Variants in CLK3 observed in about 807,000 individuals in gnomAD.
CLK3 encodes the protein CDC like kinase 3.
A neutral mutation model predicts 65.2 loss-of-function variants in CLK3; 24 were observed. The ratio of observed to expected loss-of-function variants is 0.37; its 90% CI spans 0.27 to 0.52. The LOEUF is 0.52. Ranked by LOEUF, CLK3 falls within the 20% of genes least tolerant of loss-of-function variation. CLK3 has a pLI of 0.92. For missense variants in CLK3, 506 were observed against 660.0 expected (o/e 0.77, Z 2.56); for synonymous variants, 252 against 240.8 (o/e 1.05, Z -0.43).
chr15:74,629,302 C>G, intron 12 of CLK3: 1 of 574,064 alleles, frequency 1.7e-6, no homozygotes, highest in Admixed American at 2.7e-5. Context: ...CCTGCTGCTT[C>G]CTGTCCCTCT....
In CLK3 at chr15:74,619,323, C is replaced by T. The variant is rs769035124; in HGVS notation, c.127C>T (p.Pro43Ser). ...GCGATACCCGTCCCGAAGGGAGCCT[C>T]CCCCACGAAGATCTCGGTCCAGAAG... ...RLRYPSRREP[P>S]PRRSRSRSHD... Residue 43 changes from proline (P) to serine (S), a missense_variant, in exon 2 of 13, where the codon CCC (proline) becomes TCC (serine). By Grantham distance (74) the Pro-to-Ser change is moderately conservative (BLOSUM62 -1). This residue lies in a region of CLK3 where 181 missense variants were observed against 159.4 expected (regional missense o/e 1.14). Coordinates refer to ENST00000395066, the MANE Select transcript of CLK3 (RefSeq NM_001130028.2). The T allele has an allele frequency of 1.6e-5, 26 of 1,614,132 alleles. No individual in the cohort carries two copies. The highest frequency in any genetic ancestry group is 2.0e-5 in the Non-Finnish European group (24 of 1,179,990).
At chr15:74,611,937 G>A (rs574093939), upstream of CLK3, among the ~76,000 whole-genome samples, 7 of 152,336 alleles carry the variant, frequency 4.6e-5, no homozygotes, top group South Asian at 6.2e-4. Flanking sequence ...CCTCTGGCCC[G>A]AAAGTCTCCT....
chr15:74,625,410 C>T (rs1391025292), intron 6 of CLK3, among the ~76,000 whole-genome samples: 1 of 152,186 alleles, frequency 6.6e-6, no homozygotes. Flanking sequence ...CCAGCACAGA[C>T]CCTCACGAAG....
In CLK3 at chr15:74,627,747, G is replaced by A; in HGVS notation, c.1042+79G>A. 2 of 1,577,814 alleles carry A rather than the reference G, an allele frequency of 1.3e-6. No homozygotes were observed. Among genetic ancestry groups the A allele is most frequent in the South Asian group, 1.1e-5 (1 of 89,028 alleles). On this transcript the variant is annotated intron_variant, in intron 9 of 12. Transcript: ENST00000395066. This position sits in a 1 kb window ranked among gnomAD's most constrained non-coding sequence, Gnocchi z 4.3. ...TATGAGCAGAGGCAGTGGCATGCCT[G>A]TCATTCTCTGCCACCCAGGGCAGGC...
Position 74,627,013 on chromosome 15 carries a change from G to A in CLK3, c.818-339G>A. The A allele has an allele frequency of 2.1e-6, 1 of 486,260 alleles. No homozygotes were observed. Among genetic ancestry groups the A allele is most frequent in the Non-Finnish European group, 4.0e-6 (1 of 247,762 alleles). 30.1% of individuals were successfully genotyped at this position (486,260 alleles called of 1,614,324 possible). A position where few individuals can be genotyped will look rare whatever the true frequency, so the allele number is the denominator to read the frequency against. ...GGGCCCTGCAAATTATGTAGCTGGTGCAGGGAAGAGGGAACCACCTCGAGG... is the reference window on the plus strand; with the variant it reads ...GGGCCCTGCAAATTATGTAGCTGGTACAGGGAAGAGGGAACCACCTCGAGG... On this transcript the variant is annotated intron_variant, in intron 7 of 12. Coordinates refer to ENST00000395066, the MANE Select transcript of CLK3 (RefSeq NM_001130028.2). The surrounding 1 kb of genome is among the most constrained non-coding windows in gnomAD (Gnocchi z 4.3).
upstream of CLK3, chr15:74,615,600 G>C (rs996046683): frequency 3.1e-5 from 39 of 1,257,268 alleles, 1 homozygote; most frequent in Non-Finnish European, 3.9e-5. Flanking sequence ...CTGTCAGGTC[G>C]GGGGACCTAC....
At chr15:74,615,085 G>T, upstream of CLK3, 1 of 246,058 alleles carries the variant, frequency 4.1e-6, no homozygotes, top group Non-Finnish European at 7.8e-6. Flanking sequence ...CCACGCTCGA[G>T]GCCTCTGCAA....
chr15:74,614,856 A>G (rs2062037017), upstream of CLK3: 1 of 152,180 alleles, frequency 6.6e-6, no homozygotes, highest in Admixed American at 6.5e-5. Context: ...GCGGGTTTCT[A>G]GCCCTCGCGT....
At chr15:74,617,485 G>C (rs1338428064) in intron 1 of CLK3, among the ~76,000 whole-genome samples, 1 of 152,238 alleles carries the variant, frequency 6.6e-6, no homozygotes, top group African/African-American at 2.4e-5. Context: ...TTCCCTTGTT[G>C]CAAGATGAAG....
rs375218076 is a variant in CLK3 at position 74,618,813 on chromosome 15, C to T, written c.1-384C>T. Among the ~76,000 whole-genome samples the T allele has an allele frequency of 5.9e-5, 9 of 152,226 alleles. No individual in the cohort carries two copies. The South Asian group carries it at 8.3e-4, about 14-fold the overall frequency. The stretch of plus-strand genomic sequence containing the variant: ...CATTCACTTCACGGGACCGCCCCCC[C>T]GGGCGGGAGGGAATAGAGTGCAGGA... On this transcript the variant is annotated intron_variant, in intron 1 of 12. Coordinates refer to ENST00000395066, the MANE Select transcript of CLK3 (RefSeq NM_001130028.2).
Position 74,627,159 on chromosome 15 carries a change from C to G in CLK3, c.818-193C>G. 1 of 709,268 alleles carries G rather than the reference C, an allele frequency of 1.4e-6. No homozygotes were observed. Among genetic ancestry groups the G allele is most frequent in the Non-Finnish European group, 2.6e-6 (1 of 386,762 alleles). The allele number at this position is 709,268 out of a possible 1,614,324, so 43.9% of individuals were successfully genotyped here. On this transcript the variant is annotated intron_variant, in intron 7 of 12. Transcript: ENST00000395066. The surrounding 1 kb of genome is among the most constrained non-coding windows in gnomAD (Gnocchi z 4.3). ...ACCCCCCTGCTAAAGTATCAGAACC[C>G]TCCAAGGCCTCAAGTACAGAGAACC...
At chr15:74,609,655 C>T (rs2061962061) in intron 1 of CLK3, among the ~76,000 whole-genome samples, 1 of 152,236 alleles carries the variant, frequency 6.6e-6, no homozygotes, top group Non-Finnish European at 1.5e-5. Flanking sequence ...TGAGCCTGGG[C>T]AGGGGTCTCA....
At position 74,622,326 on chromosome 15, in the gene CLK3, C is replaced by T. The variant is rs778625759; in HGVS notation, c.466+110C>T. The T allele has an allele frequency of 4.5e-6, 5 of 1,116,984 alleles. No homozygotes were observed. The highest frequency in any genetic ancestry group is 5.3e-6 in the Non-Finnish European group (4 of 758,842). 69.2% of individuals were successfully genotyped at this position (1,116,984 alleles called of 1,614,324 possible). ...AGTGCGCGTGGTGCCTTAGCGGGGC[C>T]ACCAGTAATTGCCTGAATGACACAG... On this transcript the variant is annotated intron_variant, in intron 4 of 12. Coordinates refer to ENST00000395066, the MANE Select transcript of CLK3 (RefSeq NM_001130028.2). This position sits in a 1 kb window ranked among gnomAD's most constrained non-coding sequence, Gnocchi z 4.6.
intron 1 of CLK3, chr15:74,618,957 G>C (rs1375109349): frequency 4.3e-6 from 2 of 466,014 alleles, no homozygotes; most frequent in Non-Finnish European, 7.8e-6. Flanking sequence ...AGGCCACCAG[G>C]CTAGTGATGC....
Position 74,622,105 on chromosome 15 carries a change from G to A in CLK3, c.370-15G>A. 3 of 1,613,476 alleles carry A rather than the reference G, an allele frequency of 1.9e-6. No homozygotes were observed. The highest frequency in any genetic ancestry group is 1.1e-5 in the South Asian group (1 of 91,058). ...GCGATTGGTCGGATGGCGTTTCGGG[G>A]GGCGGTGCATGCAGAGAAGCCAACA... On this transcript the variant is annotated splice_polypyrimidine_tract_variant and intron_variant, in intron 3 of 12. Transcript: ENST00000395066. The surrounding 1 kb of genome is among the most constrained non-coding windows in gnomAD (Gnocchi z 4.6).
intron 1 of CLK3, among the ~76,000 whole-genome samples, chr15:74,609,688 G>A (rs1276586469): frequency 6.6e-6 from 1 of 152,264 alleles, no homozygotes; most frequent in African/African-American, 2.4e-5. Context: ...GAGACTCTGG[G>A]TCCCGAAGCT....
rs573980901 is a variant in CLK3, at chr15:74,627,813, G to A, written c.1042+145G>A. On this transcript the variant is annotated intron_variant, in intron 9 of 12. Coordinates refer to ENST00000395066, the MANE Select transcript of CLK3 (RefSeq NM_001130028.2). The surrounding 1 kb of genome is among the most constrained non-coding windows in gnomAD (Gnocchi z 4.3). ...AAGGGGCCAGTGTCATGAGACACAGGTGACTGACCTGGCTTTATCTGTCAG... is the reference window on the plus strand; with the variant it reads ...AAGGGGCCAGTGTCATGAGACACAGATGACTGACCTGGCTTTATCTGTCAG... The A allele has an allele frequency of 3.9e-6, 5 of 1,289,458 alleles. No individual in the cohort carries two copies. The African/African-American group carries it at 7.3e-5, about 19-fold the overall frequency. The allele number at this position is 1,289,458 out of a possible 1,614,324, so 79.9% of individuals were successfully genotyped here. A position where few individuals can be genotyped will look rare whatever the true frequency, so the allele number is the denominator to read the frequency against.
rs1178580102 is a variant in CLK3, at chr15:74,620,645, C to T, written c.369+420C>T. ...CTGCCTCCTCGTGTAACTGAGTGCT[C>T]TGATGTGGACTGCACCCACCTCTGC... On this transcript the variant is annotated intron_variant, in intron 3 of 12. Coordinates refer to ENST00000395066, the MANE Select transcript of CLK3 (RefSeq NM_001130028.2). 1.7e-5 allele frequency: 4 copies of T among 236,232 alleles called. No homozygotes were observed. The East Asian group carries it at 3.1e-4, about 18-fold the overall frequency. The allele number at this position is 236,232 out of a possible 1,614,324, so 14.6% of individuals were successfully genotyped here. A position where few individuals can be genotyped will look rare whatever the true frequency, so the allele number is the denominator to read the frequency against.
At position 74,622,301 on chromosome 15, in the gene CLK3, A is replaced by T; in HGVS notation, c.466+85A>T. 2.2e-6 allele frequency: 3 copies of T among 1,337,924 alleles called. No individual in the cohort carries two copies. The highest frequency in any genetic ancestry group is 3.2e-6 in the Non-Finnish European group (3 of 949,696). The allele number at this position is 1,337,924 out of a possible 1,614,324, so 82.9% of individuals were successfully genotyped here. On this transcript the variant is annotated intron_variant, in intron 4 of 12. Coordinates refer to ENST00000395066, the MANE Select transcript of CLK3 (RefSeq NM_001130028.2). The surrounding 1 kb of genome is among the most constrained non-coding windows in gnomAD (Gnocchi z 4.6). ...ACCTCTCCTGCCTGGAGGGGCCTCT[A>T]GTGCGCGTGGTGCCTTAGCGGGGCC...
Sources: allele counts gnomAD v4.1 joint callset (sites outside exome capture counted in the v4.1 genomes callset), GRCh38; gene constraint gnomAD v4.1.1; regional missense constraint gnomAD v4.1.1; non-coding constraint Gnocchi (gnomAD v3.1); transcripts MANE v1.5; gene names NCBI Gene and HGNC (gene_info 2026-07-23, HGNC 2026-07-21).